Variants in RPAP3 observed in about 807,000 individuals in gnomAD.
RPAP3 encodes RNA polymerase II-associated protein 3.
In RPAP3, 58 loss-of-function variants were observed where a neutral mutation model predicts 88.8. The observed-to-expected ratio is 0.65, with a 90% CI of 0.53 to 0.81. The LOEUF is 0.81. RPAP3 is among the 40% of genes least tolerant of loss of function. The pLI is 0.00. For synonymous variants in RPAP3, 255 were observed against 259.9 expected (o/e 0.98, Z 0.18); for missense variants, 751 against 764.3 (o/e 0.98, Z 0.20).
At chr12:47,701,220 G>C (rs1939647989) in intron 3 of RPAP3, 5 of 294,340 alleles carry the variant, frequency 1.7e-5, no homozygotes, top group South Asian at 1.1e-4. Context: ...TTTGTAAAAA[G>C]AAAGAAAAAA....
intron 12 of RPAP3, 60 bp downstream of exon 12, chr12:47,679,433 C>T: frequency 8.9e-7 from 1 of 1,123,400 alleles, no homozygotes. Flanking sequence ...TAGTTGGTTT[C>T]CAATTCTCCT....
At chr12:47,670,433 C>G (rs1459613652) in intron 12 of RPAP3, 88 bp from the exon 13 acceptor site, 1 of 697,764 alleles carries the variant, frequency 1.4e-6, no homozygotes, top group Non-Finnish European at 2.4e-6. Flanking sequence ...AATGATCTTA[C>G]AGCTAATATC....
At chr12:47,683,025 G>A (rs1409976683) in intron 9 of RPAP3, among the ~76,000 whole-genome samples, 1 of 151,990 alleles carries the variant, frequency 6.6e-6, no homozygotes, top group Non-Finnish European at 1.5e-5. Context: ...GCCATAATAC[G>A]AACCACTCAC....
rs143677731 is a variant in RPAP3 at position 47,704,407 on chromosome 12, C to A, written c.-7+1545G>T. ...TTCTTGAGACAGAGTCTTGCTCTGT[C>A]GCCCAGGCTGGAGTGCAGTGGCGCA... On this transcript the variant is annotated intron_variant, in intron 1 of 16. Coordinates refer to ENST00000005386, the MANE Select transcript of RPAP3 (RefSeq NM_024604.3). Among the ~76,000 whole-genome samples the A allele has an allele frequency of 1.6e-3, 243 of 152,114 alleles. 3 individuals are homozygous for A. The highest frequency in any genetic ancestry group is 5.6e-3 in the African/African-American group (233 of 41,490).
At chr12:47,665,937 T>C (rs1027409306) in intron 16 of RPAP3, among the ~76,000 whole-genome samples, 2 of 152,124 alleles carry the variant, frequency 1.3e-5, no homozygotes, top group Non-Finnish European at 2.9e-5. Context: ...CTAAAAAATA[T>C]ATATATCTAA....
At chr12:47,693,575 A>C (rs1939468572) in intron 5 of RPAP3, among the ~76,000 whole-genome samples, 1 of 152,220 alleles carries the variant, frequency 6.6e-6, no homozygotes, top group African/African-American at 2.4e-5. Flanking sequence ...GACACACAAC[A>C]AAACAAGGTA....
intron 3 of RPAP3, among the ~76,000 whole-genome samples, chr12:47,698,431 T>C (rs773181253): frequency 6.6e-6 from 1 of 152,216 alleles, no homozygotes; most frequent in Non-Finnish European, 1.5e-5. Flanking sequence ...ACTACTTTCA[T>C]GGTAATAAAT....
At chr12:47,672,124 G>A (rs561359807) in intron 12 of RPAP3, among the ~76,000 whole-genome samples, 1 of 152,184 alleles carries the variant, frequency 6.6e-6, no homozygotes, top group African/African-American at 2.4e-5. Flanking sequence ...AGATATTTTA[G>A]CAGAGACAAA....
chr12:47,703,509 T>A (rs1939699534), intron 1 of RPAP3, among the ~76,000 whole-genome samples: 2 of 152,108 alleles, frequency 1.3e-5, no homozygotes, highest in African/African-American at 4.8e-5. Context: ...AGAGGTAAAA[T>A]AACCCCTGGT....
chr12:47,681,629 G>C, intron 10 of RPAP3, 67 bp downstream of exon 10: 1 of 1,519,938 alleles, frequency 6.6e-7, no homozygotes, highest in Admixed American at 1.9e-5. Flanking sequence ...TAAGCTACAT[G>C]AATCTCTGCT....
Position 47,667,706 on chromosome 12 carries a change from T to G in RPAP3, c.1811+48A>C, listed in dbSNP as rs1938909669. 5 of 1,030,734 alleles carry G rather than the reference T, an allele frequency of 4.9e-6. No individual in the cohort carries two copies. The Admixed American group carries it at 9.1e-5, about 19-fold the overall frequency. 63.8% of individuals were successfully genotyped at this position (1,030,734 alleles called of 1,614,324 possible). On this transcript the variant is annotated intron_variant, in intron 15 of 16. Coordinates refer to ENST00000005386, the MANE Select transcript of RPAP3 (RefSeq NM_024604.3). ...ATTGCAGTTTCCAAAAACCTATCAATAACATTAAGTGAGGACTTACTGTAT... is the reference window on the plus strand; with the variant it reads ...ATTGCAGTTTCCAAAAACCTATCAAGAACATTAAGTGAGGACTTACTGTAT...
intron 5 of RPAP3, among the ~76,000 whole-genome samples, chr12:47,691,358 T>A (rs1339204499): frequency 6.6e-6 from 1 of 152,192 alleles, no homozygotes; most frequent in Non-Finnish European, 1.5e-5. Context: ...TTCGGTGACA[T>A]CTTCCTCCGC....
chr12:47,670,042 A>G, intron 13 of RPAP3, 65 bp downstream of exon 13: 2 of 1,019,748 alleles, frequency 2.0e-6, no homozygotes, highest in Non-Finnish European at 3.1e-6. Flanking sequence ...AGTCTCAGTA[A>G]TATCAATTCT....
At chr12:47,673,667 A>G (rs970234136) in intron 12 of RPAP3, among the ~76,000 whole-genome samples, 1 of 152,116 alleles carries the variant, frequency 6.6e-6, no homozygotes, top group Non-Finnish European at 1.5e-5. Context: ...TCGTCTATGC[A>G]TAACAGTTTA....
rs1222445274 is a variant in RPAP3 at position 47,696,373 on chromosome 12, C to A, written c.448G>T (p.Asp150Tyr). ...TTTGTGTAGCAGTCAATTGCTTCAT[C>A]ATATTTTCCTTGTTTGAAGTATTTA... ...GNKYFKQGKY[D>Y]EAIDCYTKGM... Residue 150 changes from aspartate (D) to tyrosine (Y), a missense_variant, in exon 5 of 17, where the codon GAT (aspartate) becomes TAT (tyrosine). Transcript: ENST00000005386. 1 of 1,591,116 alleles carries A rather than the reference C, an allele frequency of 6.3e-7. No homozygotes were observed. Among genetic ancestry groups the A allele is most frequent in the East Asian group, 2.3e-5 (1 of 43,926 alleles).
intron 5 of RPAP3, among the ~76,000 whole-genome samples, chr12:47,693,315 T>C (rs978439930): frequency 4.6e-5 from 7 of 152,132 alleles, no homozygotes; most frequent in Non-Finnish European, 1.0e-4. Flanking sequence ...CAACAACATA[T>C]GGGTGTGCTT....
rs1939353910 is a variant in RPAP3 at position 47,687,821 on chromosome 12, T to C, written c.864+55A>G. 13 of 1,549,072 alleles carry C rather than the reference T, an allele frequency of 8.4e-6. No homozygotes were observed. The South Asian group carries it at 1.5e-4, about 18-fold the overall frequency. On this transcript the variant is annotated intron_variant, in intron 8 of 16. Transcript: ENST00000005386. ...AAGAAATTAACTGATATACAAGAAA[T>C]AAATCAACACTCAGCAAAACATATA...
At chr12:47,684,719 A>G (rs1939288513) in intron 9 of RPAP3, among the ~76,000 whole-genome samples, 1 of 152,252 alleles carries the variant, frequency 6.6e-6, no homozygotes, top group African/African-American at 2.4e-5. Flanking sequence ...CACCTGTAAG[A>G]AGGCATTACT....
chr12:47,699,992 T>C (rs1280102867), intron 3 of RPAP3: 1 of 72,228 alleles, frequency 1.4e-5, no homozygotes, highest in Non-Finnish European at 2.6e-5. Flanking sequence ...GGAAATGTTC[T>C]TTTTTTTTTT....
Sources: allele counts gnomAD v4.1 joint callset (sites outside exome capture counted in the v4.1 genomes callset), GRCh38; gene constraint gnomAD v4.1.1; transcripts MANE v1.5; gene names NCBI Gene and HGNC (gene_info 2026-07-23, HGNC 2026-07-21).